RGS19: variants seen among roughly 807,000 people sequenced by gnomAD.
RGS19 encodes the protein G alpha interacting protein.
A neutral mutation model predicts 22.0 loss-of-function variants in RGS19; 9 were observed. The ratio of observed to expected loss-of-function variants is 0.41; its 90% confidence interval spans 0.25 to 0.71. RGS19 has a LOEUF of 0.71. Among genes scored for constraint, RGS19 ranks in the 30% least tolerant of loss-of-function variants. The pLI is 0.32. For synonymous variants in RGS19, 130 were observed against 127.3 expected (o/e 1.02, Z -0.14); for missense variants, 256 against 307.1 (o/e 0.83, Z 1.24).
At chr20:64,078,473 G>A (rs1229907701) in intron 1 of RGS19, among the ~76,000 whole-genome samples, 1 of 152,128 alleles carries the variant, frequency 6.6e-6, no homozygotes, top group Non-Finnish European at 1.5e-5. Context: ...CCTCCTCTCT[G>A]TCCCCACCCA....
At position 64,073,579 on chromosome 20, in the gene RGS19, A is replaced by T. The variant is rs1354277902; in HGVS notation, c.*274T>A. The T allele has an allele frequency of 2.4e-6, 1 of 425,020 alleles. No homozygotes were observed. Among genetic ancestry groups the T allele is most frequent in the African/African-American group, 2.0e-5 (1 of 49,726 alleles). 26.3% of individuals were successfully genotyped at this position (425,020 alleles called of 1,614,324 possible). ...CTACTCTCACCACGCAAGAGCCCCC[A>T]GCCAGGAGCACTGGGCCAGCCAGCT... On this transcript the variant is annotated 3_prime_UTR_variant, in exon 6 of 6. Coordinates refer to ENST00000395042, the MANE Select transcript of RGS19 (RefSeq NM_005873.3).
In RGS19 at chr20:64,079,060, T is replaced by C. The variant is rs545938021; in HGVS notation, c.-69+234A>G. ...GGCTCCATTCTCAGTCCTTAGCTCC[T>C]ACCCAGGGCCTTTCCCATCTGCCAC... On this transcript the variant is annotated intron_variant, in intron 1 of 5. Coordinates refer to ENST00000395042, the MANE Select transcript of RGS19 (RefSeq NM_005873.3). The surrounding 1 kb of genome is among the most constrained non-coding windows in gnomAD (Gnocchi z 5.1). 7.9e-5 allele frequency among the ~76,000 whole-genome samples: 12 copies of C among 152,262 alleles called. No individual in the cohort carries two copies. The highest frequency in any genetic ancestry group is 1.0e-4 in the Non-Finnish European group (7 of 67,990).
chr20:64,079,932 G>C (rs573021028), upstream of RGS19: 14 of 148,102 alleles, frequency 9.5e-5, no homozygotes, highest in Admixed American at 8.7e-4. This position sits in a 1 kb window ranked among gnomAD's most constrained non-coding sequence, Gnocchi z 5.1. Flanking sequence ...GGTCCGGCCC[G>C]ACAGTCGGGG....
rs1569260870 is a variant in RGS19, at chr20:64,074,193, TTC to T, written c.411_412del (p.Lys138GlyfsTer178). 6.2e-7 allele frequency: 1 copy of T among 1,614,106 alleles called. No homozygotes were observed. The highest frequency in any genetic ancestry group is 8.5e-7 in the Non-Finnish European group (1 of 1,180,018). On this transcript the variant is annotated frameshift_variant, in exon 5 of 6. Transcript: ENST00000395042. LOFTEE classifies it high-confidence loss of function. ...GTAGTCCTCGTAGATGAGCCTCGCC[TTC>T]TCGTCTACCACATGCTGGTTGGCCT...
In RGS19 at chr20:64,075,882, T is replaced by A. The variant is rs2059901152; in HGVS notation, c.152+643A>T. On this transcript the variant is annotated intron_variant, in intron 3 of 5. Transcript: ENST00000395042. The surrounding 1 kb of genome is among the most constrained non-coding windows in gnomAD (Gnocchi z 4.6). Reference sequence around the variant, plus strand: ...GTCTGTGCCTGTCTTTCTTTCTTTCTTTCTTTTTTTTTTTTTGAGACGGAG... The same window carrying A: ...GTCTGTGCCTGTCTTTCTTTCTTTCATTCTTTTTTTTTTTTTGAGACGGAG... 2.1e-5 allele frequency among the ~76,000 whole-genome samples: 2 copies of A among 94,344 alleles called. No individual in the cohort carries two copies. Among genetic ancestry groups the A allele is most frequent in the African/African-American group, 6.2e-5 (2 of 32,198 alleles). The allele number at this position is 94,344 out of a possible 152,430, so 61.9% of individuals were successfully genotyped here.
chr20:64,076,492 CCTCGCCAGCTGGGCACCCCAGGCCCTA>C lies in RGS19; in HGVS notation c.152+6_152+32del. On this transcript the variant is annotated splice_donor_region_variant and intron_variant, in intron 3 of 5. Transcript: ENST00000395042. Reference sequence around the variant, plus strand: ...CTGCTTGGCCCCATGCCCTCGACCCCCTCGCCAGCTGGGCACCCCAGGCCCTACTCACCAGGAGCAGCTACAGCAGCA... The same window carrying C: ...CTGCTTGGCCCCATGCCCTCGACCCCCTCACCAGGAGCAGCTACAGCAGCA... The C allele has an allele frequency of 6.2e-7, 1 of 1,611,416 alleles. No individual in the cohort carries two copies. The highest frequency in any genetic ancestry group is 8.5e-7 in the Non-Finnish European group (1 of 1,179,470).
In RGS19 at chr20:64,075,341, T is replaced by C. The variant is rs1275640538; in HGVS notation, c.153-800A>G. The stretch of plus-strand genomic sequence containing the variant: ...TCAGGTTCTGGAGCCTGATCCCCGG[T>C]TGTCTCAAGGGAAGCAGCTTCTTTG... On this transcript the variant is annotated intron_variant, in intron 3 of 5. Coordinates refer to ENST00000395042, the MANE Select transcript of RGS19 (RefSeq NM_005873.3). This position sits in a 1 kb window ranked among gnomAD's most constrained non-coding sequence, Gnocchi z 4.6. Among the ~76,000 whole-genome samples the C allele has an allele frequency of 6.6e-6, 1 of 152,160 alleles. No individual in the cohort carries two copies. The highest frequency in any genetic ancestry group is 1.5e-5 in the Non-Finnish European group (1 of 68,018).
intron 1 of RGS19, among the ~76,000 whole-genome samples, chr20:64,078,372 G>A (rs1451762109): frequency 8.9e-6 from 1 of 112,166 alleles, no homozygotes; most frequent in African/African-American, 3.1e-5. Flanking sequence ...CAGGGGTCAA[G>A]TTTCTAGGGA....
At chr20:64,077,607 C>G (rs2059915251) in intron 1 of RGS19, among the ~76,000 whole-genome samples, 1 of 152,214 alleles carries the variant, frequency 6.6e-6, no homozygotes, top group Non-Finnish European at 1.5e-5. Context: ...CCTCCTTGCC[C>G]ACTGCCTCTA....
chr20:64,076,678 G>T, intron 2 of RGS19, 32 bp from the exon 3 acceptor site: 2 of 1,577,752 alleles, frequency 1.3e-6, no homozygotes, highest in Non-Finnish European at 8.6e-7. Context: ...TCAGCTTTCA[G>T]GTCAGAACCC....
Position 64,074,217 on chromosome 20 carries a change from G to C in RGS19, c.389C>G (p.Ala130Gly), listed in dbSNP as rs1309617348. Residue 130 changes from alanine (A) to glycine (G), a missense_variant, in exon 5 of 6, where the codon GCC becomes GGC. By Grantham distance (60) the Ala-to-Gly change is moderately conservative. Transcript: ENST00000395042. The part of the protein sequence containing the change: ...WLACEELKAE[A>G]NQHVVDEKAR... ...CTTCTCGTCTACCACATGCTGGTTG[G>C]CCTCGGCCTTCAGCTCCTCGCAGGC... 1.2e-6 allele frequency: 2 copies of C among 1,613,924 alleles called. No homozygotes were observed. The highest frequency in any genetic ancestry group is 2.7e-5 in the African/African-American group (2 of 74,928).
intron 1 of RGS19, 88 bp from the exon 2 acceptor site, chr20:64,077,042 C>A: frequency 1.5e-6 from 1 of 661,686 alleles, no homozygotes; most frequent in Non-Finnish European, 2.4e-6. Flanking sequence ...GGGTGTCTCC[C>A]TAGCGGGGCC....
intron 3 of RGS19, among the ~76,000 whole-genome samples, chr20:64,074,827 G>A (rs2059892481): frequency 6.6e-6 from 1 of 152,244 alleles, no homozygotes; most frequent in African/African-American, 2.4e-5. Context: ...CATTCCAGCA[G>A]TGTGACCCAG....
rs773740670 is a variant in RGS19 at position 64,074,077 on chromosome 20, G to A, written c.463-33C>T. On this transcript the variant is annotated intron_variant, in intron 5 of 5. Coordinates refer to ENST00000395042, the MANE Select transcript of RGS19 (RefSeq NM_005873.3). The stretch of plus-strand genomic sequence containing the variant: ...ACAAGACACTGAGGTCAGGGGGTGC[G>A]GGAGCTGCCTTCCCCACCTAGTGCC... 2.0e-5 allele frequency: 32 copies of A among 1,603,320 alleles called. No individual in the cohort carries two copies. The East Asian group carries it at 2.7e-4, about 13-fold the overall frequency.
intron 3 of RGS19, 73 bp from the exon 4 acceptor site, chr20:64,074,614 G>A: frequency 7.1e-7 from 1 of 1,402,314 alleles, no homozygotes; most frequent in Non-Finnish European, 9.6e-7. Flanking sequence ...TCAGCACATG[G>A]GCAGGCACCT....
rs1228889452 is a variant in RGS19 at position 64,075,022 on chromosome 20, G to T, written c.153-481C>A. Among the ~76,000 whole-genome samples the T allele has an allele frequency of 6.6e-6, 1 of 152,198 alleles. No individual in the cohort carries two copies. Among genetic ancestry groups the T allele is most frequent in the Non-Finnish European group, 1.5e-5 (1 of 68,036 alleles). ...GGGGAGATGGGGTGGGGCAAGATGA[G>T]GGGCCACAAGGAGCTGGGAGATCCC... On this transcript the variant is annotated intron_variant, in intron 3 of 5. Coordinates refer to ENST00000395042, the MANE Select transcript of RGS19 (RefSeq NM_005873.3). This position sits in a 1 kb window ranked among gnomAD's most constrained non-coding sequence, Gnocchi z 4.6.
intron 1 of RGS19, among the ~76,000 whole-genome samples, chr20:64,078,885 G>A (rs1376849455): frequency 1.3e-5 from 2 of 152,196 alleles, no homozygotes; most frequent in Non-Finnish European, 2.9e-5. Context: ...TCTGCTCTCT[G>A]GGGATAGAGG....
rs2059940574 is a variant in RGS19 at position 64,079,492 on chromosome 20, T to G, written c.-267A>C. The G allele has an allele frequency of 6.7e-6, 1 of 149,248 alleles. No homozygotes were observed. The highest frequency in any genetic ancestry group is 6.6e-5 in the Admixed American group (1 of 15,154). 9.2% of individuals were successfully genotyped at this position (149,248 alleles called of 1,614,324 possible). On this transcript the variant is annotated 5_prime_UTR_variant, in exon 1 of 6. Transcript: ENST00000395042. The surrounding 1 kb of genome is among the most constrained non-coding windows in gnomAD (Gnocchi z 5.1). ...GGGGGCGCAGCGCCTCCCCTACAGC[T>G]CGAAGGGCTGAGTGGCTGCCAGATC...
Position 64,075,540 on chromosome 20 carries a change from C to T in RGS19, c.152+985G>A, listed in dbSNP as rs904369802. Among the ~76,000 whole-genome samples the T allele has an allele frequency of 3.9e-5, 6 of 152,130 alleles. No homozygotes were observed. Among genetic ancestry groups the T allele is most frequent in the Non-Finnish European group, 8.8e-5 (6 of 67,996 alleles). On this transcript the variant is annotated intron_variant, in intron 3 of 5. Transcript: ENST00000395042. This position sits in a 1 kb window ranked among gnomAD's most constrained non-coding sequence, Gnocchi z 4.6. The stretch of plus-strand genomic sequence containing the variant: ...TGCCCCCTGGCCACCCCCAGCTTGC[C>T]CGTGGGTCAGCTGACGCCACCTTGG...
Sources: gnomAD v4.1 joint callset for allele counts (sites outside exome capture counted in the v4.1 genomes callset) on GRCh38, gnomAD v4.1.1 for gene constraint, Gnocchi (gnomAD v3.1) non-coding constraint, MANE v1.5 for transcripts, NCBI Gene and HGNC (gene_info 2026-07-23, HGNC 2026-07-21) for gene names.